FAM222A: variants seen among roughly 807,000 people sequenced by gnomAD.
The protein encoded by FAM222A is protein FAM222A.
FAM222A carries 7 observed loss-of-function variants against 25.8 expected under a neutral mutation model. That is an observed-to-expected ratio of 0.27 (90% CI 0.15 to 0.51). The LOEUF (loss-of-function observed/expected upper bound fraction) is 0.51, where lower values mean the gene tolerates loss of function less well. Ranked by LOEUF, FAM222A falls within the 20% of genes least tolerant of loss-of-function variation. FAM222A has a pLI of 0.97. For synonymous variants in FAM222A, 294 were observed against 298.8 expected, an observed-to-expected ratio of 0.98 and a Z score of 0.17; for missense variants, 573 against 640.5, an observed-to-expected ratio of 0.89 and a Z score of 1.14.
chr12:109,769,442 CG>C lies in FAM222A; in HGVS notation c.*156del, dbSNP rs1889179643. On this transcript the variant is annotated 3_prime_UTR_variant, in exon 3 of 3. Coordinates refer to ENST00000538780, the MANE Select transcript of FAM222A (RefSeq NM_032829.3). ...AGGCTGGCTGCCGCCTCGCTGTGGC[CG>C]GATGGAGGGTGGCAGGGCAACCTCA... 1 of 988,670 alleles carries C rather than the reference CG, an allele frequency of 1.0e-6. No homozygotes were observed. The highest frequency in any genetic ancestry group is 1.6e-5 in the African/African-American group (1 of 61,072). 61.2% of individuals were successfully genotyped at this position (988,670 alleles called of 1,614,324 possible).
At chr12:109,716,964 A>G (rs998709205) in intron 1 of FAM222A, among the ~76,000 whole-genome samples, 2 of 152,214 alleles carry the variant, frequency 1.3e-5, no homozygotes, top group African/African-American at 4.8e-5. Flanking sequence ...AGAGGAAGTG[A>G]TGGGCTACAG....
chr12:109,768,099 C>T lies in FAM222A; in HGVS notation c.170C>T (p.Pro57Leu), dbSNP rs756082810. 3.7e-6 allele frequency: 6 copies of T among 1,614,018 alleles called. No individual in the cohort carries two copies. The highest frequency in any genetic ancestry group is 4.2e-6 in the Non-Finnish European group (5 of 1,180,030). The change falls in exon 3 of 3, where the codon CCG (proline) becomes CTG (leucine). Residue 57 changes from proline to leucine, a missense_variant. Pro to Leu is a moderately conservative substitution (Grantham distance 98). This residue lies in a region of FAM222A where 112 missense variants were observed against 154.6 expected (regional missense o/e 0.72). Coordinates refer to ENST00000538780, the MANE Select transcript of FAM222A (RefSeq NM_032829.3). ...DAYAEKVANS[P>L]LSIKIFPTNI... ...TATGCCGAGAAGGTGGCCAACAGCC[C>T]GCTGTCCATCAAGATCTTCCCCACC...
At chr12:109,759,550 A>G (rs774022194) in intron 2 of FAM222A, among the ~76,000 whole-genome samples, 2 of 152,250 alleles carry the variant, frequency 1.3e-5, no homozygotes, top group African/African-American at 4.8e-5. Context: ...AACCGCATCT[A>G]TTTAACACAC....
At chr12:109,727,698 T>C (rs1887869123) in intron 1 of FAM222A, among the ~76,000 whole-genome samples, 1 of 152,176 alleles carries the variant, frequency 6.6e-6, no homozygotes, top group Admixed American at 6.5e-5. Flanking sequence ...AAGCTTTCTC[T>C]GTCTGTAGAG....
intron 2 of FAM222A, among the ~76,000 whole-genome samples, chr12:109,749,715 G>A (rs535047897): frequency 6.6e-6 from 1 of 152,244 alleles, no homozygotes; most frequent in Admixed American, 6.5e-5. Flanking sequence ...ATGTCTTCTT[G>A]TAGCACCTGT....
chr12:109,769,272 T>G lies in FAM222A; in HGVS notation c.1343T>G (p.Leu448Arg). 6.2e-7 allele frequency: 1 copy of G among 1,610,294 alleles called. No individual in the cohort carries two copies. Among genetic ancestry groups the G allele is most frequent in the Non-Finnish European group, 8.5e-7 (1 of 1,179,024 alleles). ...LLDHQHAHIR[L>R]PVYR ...GACCACCAGCATGCCCACATCCGCC[T>G]ACCCGTCTACAGATAAGGCCTGCCC... The change falls in exon 3 of 3, where the codon CTA becomes CGA. Residue 448 changes from leucine to arginine, a missense_variant. Transcript: ENST00000538780.
chr12:109,767,062 CTTTTTTTTTTTT>C (rs757766627), intron 2 of FAM222A, among the ~76,000 whole-genome samples: 20 of 93,070 alleles, frequency 2.1e-4, no homozygotes, highest in African/African-American at 6.9e-4. Flanking sequence ...TGCTTGGCTT[CTTTTTTTTTTTT>C]TTTTTTTTTT....
chr12:109,732,590 A>G (rs548513697), intron 1 of FAM222A, among the ~76,000 whole-genome samples: 8 of 152,358 alleles, frequency 5.3e-5, no homozygotes, highest in South Asian at 2.1e-4. Flanking sequence ...CGCTGATTCA[A>G]TCTCGGCTTT....
chr12:109,731,297 G>A (rs1352132074), intron 1 of FAM222A, among the ~76,000 whole-genome samples: 12 of 152,166 alleles, frequency 7.9e-5, no homozygotes, highest in Non-Finnish European at 1.5e-5. Flanking sequence ...TGCTGGGGAG[G>A]TGACCCAGCG....
At chr12:109,762,745 G>T (rs566577063) in intron 2 of FAM222A, among the ~76,000 whole-genome samples, 3 of 152,340 alleles carry the variant, frequency 2.0e-5, no homozygotes, top group Admixed American at 2.0e-4. Context: ...GGTGGAACAG[G>T]TTGGGTTTGA....
At chr12:109,731,187 AG>A (rs1257264252) in intron 1 of FAM222A, among the ~76,000 whole-genome samples, 2 of 151,952 alleles carry the variant, frequency 1.3e-5, no homozygotes, top group Admixed American at 1.3e-4. Context: ...CAGGAGCCAG[AG>A]GGGTAGTGCC....
intron 1 of FAM222A, among the ~76,000 whole-genome samples, chr12:109,739,036 C>A (rs1485252139): frequency 6.6e-6 from 1 of 152,246 alleles, no homozygotes; most frequent in Non-Finnish European, 1.5e-5. Context: ...TGACCTTCCC[C>A]TCCAGGTCAC....
At chr12:109,764,719 A>G (rs1318005641) in intron 2 of FAM222A, among the ~76,000 whole-genome samples, 1 of 152,192 alleles carries the variant, frequency 6.6e-6, no homozygotes, top group East Asian at 1.9e-4. Context: ...AAAATTGCAT[A>G]AAAGTGACAT....
At chr12:109,715,593 AC>A (rs1887628025) in intron 1 of FAM222A, among the ~76,000 whole-genome samples, 1 of 151,560 alleles carries the variant, frequency 6.6e-6, no homozygotes, top group African/African-American at 2.4e-5. Flanking sequence ...GACTCCCCCC[AC>A]CCCTACCATT....
chr12:109,742,202 A>C (rs1235648050), intron 1 of FAM222A: 1 of 152,324 alleles, frequency 6.6e-6, no homozygotes, highest in African/African-American at 2.4e-5. Context: ...CAGCAAACAC[A>C]TATGTACATA....
At chr12:109,758,135 CCTGA>C (rs936801410) in intron 2 of FAM222A, among the ~76,000 whole-genome samples, 3 of 152,204 alleles carry the variant, frequency 2.0e-5, no homozygotes, top group African/African-American at 7.2e-5. Flanking sequence ...GCCCGGAGCA[CCTGA>C]CTGTCTTTGT....
intron 2 of FAM222A, among the ~76,000 whole-genome samples, chr12:109,759,604 G>GTCCAGCACT (rs1378843061): frequency 6.6e-6 from 1 of 152,190 alleles, no homozygotes; most frequent in Non-Finnish European, 1.5e-5. Context: ...GCGGCAGTTC[G>GTCCAGCACT]TCCAGCACTT....
rs1315110229 is a variant in FAM222A, at chr12:109,768,002, C to T, written c.83-10C>T. The T allele has an allele frequency of 6.2e-7, 1 of 1,608,426 alleles. No individual in the cohort carries two copies. Among genetic ancestry groups the T allele is most frequent in the Admixed American group, 1.7e-5 (1 of 59,844 alleles). On this transcript the variant is annotated splice_polypyrimidine_tract_variant and intron_variant, in intron 2 of 2. Coordinates refer to ENST00000538780, the MANE Select transcript of FAM222A (RefSeq NM_032829.3). ...CCTGATGGGCCCTCACACCTGCTTT[C>T]CTCCCACAGGCGAGGCGGTGGCCAG...
intron 1 of FAM222A, among the ~76,000 whole-genome samples, chr12:109,727,236 A>G (rs1472479061): frequency 6.6e-6 from 1 of 152,022 alleles, no homozygotes; most frequent in East Asian, 1.9e-4. Flanking sequence ...GGCGGCCAGC[A>G]GAGTGGGGAG....
Sources: allele counts gnomAD v4.1 joint callset (sites outside exome capture counted in the v4.1 genomes callset), GRCh38; gene constraint gnomAD v4.1.1; regional missense constraint gnomAD v4.1.1; transcripts MANE v1.5; gene names NCBI Gene and HGNC (gene_info 2026-07-23, HGNC 2026-07-21).